HEBP1: variants seen among roughly 807,000 people sequenced by gnomAD.
HEBP1 encodes heme-binding protein 1.
A neutral mutation model predicts 20.4 loss-of-function variants in HEBP1; 13 were observed. The observed-to-expected ratio is 0.64, with a 90% confidence interval of 0.42 to 1.01. HEBP1 has a LOEUF of 1.01. Ranked by LOEUF, HEBP1 falls within the 50% of genes least tolerant of loss-of-function variation. HEBP1 has a pLI of 0.00. For synonymous variants in HEBP1, 92 were observed against 90.7 expected, an observed-to-expected ratio of 1.01 and a Z score of -0.08; for missense variants, 241 against 247.3, an observed-to-expected ratio of 0.97 and a Z score of 0.17.
chr12:13,000,016 T>G (rs1385508625), intron 1 of HEBP1, 21 bp downstream of exon 1: 3 of 1,582,154 alleles, frequency 1.9e-6, no homozygotes, highest in Admixed American at 3.4e-5. Flanking sequence ...CTTCAGGTCC[T>G]CGGCAGCCCT....
At chr12:12,981,524 T>C (rs1264941251) in intron 3 of HEBP1, among the ~76,000 whole-genome samples, 1 of 152,202 alleles carries the variant, frequency 6.6e-6, no homozygotes, top group Non-Finnish European at 1.5e-5. Context: ...GCAAGGCTTT[T>C]GGACATGAGG....
intron 2 of HEBP1, among the ~76,000 whole-genome samples, chr12:12,988,014 A>C (rs1864175275): frequency 6.6e-6 from 1 of 152,206 alleles, no homozygotes; most frequent in African/African-American, 2.4e-5. Context: ...TCATTACAGC[A>C]GAATTATAAA....
At chr12:12,999,416 A>T (rs150363120) in intron 1 of HEBP1, among the ~76,000 whole-genome samples, 1 of 152,226 alleles carries the variant, frequency 6.6e-6, no homozygotes, top group African/African-American at 2.4e-5. Context: ...GGTCGATCCG[A>T]TCACCAAGCT....
chr12:12,976,098 A>AT (rs1491101842), intron 3 of HEBP1, among the ~76,000 whole-genome samples: 1 of 143,326 alleles, frequency 7.0e-6, no homozygotes, highest in Admixed American at 6.9e-5. Context: ...AAAAAAAAAA[A>AT]ACAAACCAAA....
chr12:12,997,286 A>G (rs1003149622), intron 1 of HEBP1, among the ~76,000 whole-genome samples: 12 of 152,364 alleles, frequency 7.9e-5, no homozygotes, highest in Non-Finnish European at 1.6e-4. Context: ...AACAGGAAAC[A>G]GAAACTACTA....
chr12:12,993,773 T>C (rs850945), intron 1 of HEBP1, among the ~76,000 whole-genome samples: 105,101 of 152,096 alleles, frequency 0.69, 39,703 homozygotes, highest in East Asian at 0.97. Context: ...GTATCTACCA[T>C]GTGCTGAACA....
chr12:12,983,921 C>T (rs1864118169), intron 3 of HEBP1: 6 of 370,558 alleles, frequency 1.6e-5, no homozygotes, highest in Middle Eastern at 6.2e-4. Context: ...GAGCCATCAA[C>T]GACTACTGGA....
intron 1 of HEBP1, among the ~76,000 whole-genome samples, chr12:12,997,247 G>A (rs1044791689): frequency 3.6e-4 from 55 of 152,064 alleles, no homozygotes; most frequent in Non-Finnish European, 6.6e-4. Flanking sequence ...CCAAATTAAC[G>A]GCAAGTGACA....
chr12:12,978,999 A>G (rs1289556792), intron 3 of HEBP1: 1 of 152,324 alleles, frequency 6.6e-6, no homozygotes, highest in African/African-American at 2.4e-5. Context: ...ATCTAGTGAC[A>G]GAAACTTGGG....
At chr12:12,980,795 C>T (rs1864070793) in intron 3 of HEBP1, among the ~76,000 whole-genome samples, 1 of 152,240 alleles carries the variant, frequency 6.6e-6, no homozygotes, top group Non-Finnish European at 1.5e-5. Flanking sequence ...CTAGGCTTTA[C>T]TGCCTGGTCA....
At chr12:12,985,519 T>C (rs962676986) in intron 3 of HEBP1, 1 of 152,100 alleles carries the variant, frequency 6.6e-6, no homozygotes, top group Non-Finnish European at 1.5e-5. Context: ...ATCCACTCAT[T>C]ACTCAGGGTC....
At chr12:12,982,597 T>A (rs951870521) in intron 3 of HEBP1, among the ~76,000 whole-genome samples, 2 of 152,220 alleles carry the variant, frequency 1.3e-5, no homozygotes, top group Non-Finnish European at 2.9e-5. Context: ...AAAAATGACA[T>A]CAGCAACCTA....
At chr12:12,994,934 T>C (rs1247593649) in intron 1 of HEBP1, among the ~76,000 whole-genome samples, 1 of 152,240 alleles carries the variant, frequency 6.6e-6, no homozygotes, top group Non-Finnish European at 1.5e-5. Flanking sequence ...ATTAATCTGC[T>C]GCCTAAAGGC....
Position 12,987,349 on chromosome 12 carries a change from A to AGGGATCAGAGGCAGGGAT in HEBP1, c.218-18_218-17insATCCCTGCCTCTGATCCC. 1 of 1,608,086 alleles carries AGGGATCAGAGGCAGGGAT rather than the reference A, an allele frequency of 6.2e-7. No homozygotes were observed. Among genetic ancestry groups the AGGGATCAGAGGCAGGGAT allele is most frequent in the Non-Finnish European group, 8.5e-7 (1 of 1,175,834 alleles). On this transcript the variant is annotated splice_polypyrimidine_tract_variant and intron_variant, in intron 2 of 3. Transcript: ENST00000014930. ...TCCCAATTCCTGAAAACACAAAAGC[A>AGGGATCAGAGGCAGGGAT]CAGAGTGAGGCAGGGATCAGAGACA...
In HEBP1 at chr12:12,978,417, G is replaced by A. The variant is rs112654491; in HGVS notation, c.399-2938C>T. Reference sequence around the variant, plus strand: ...GGGGTTTTGCCGTATTGGCCAGGCTGGTCTCAAACTCCTGACCTCAGGTGA... The same window carrying A: ...GGGGTTTTGCCGTATTGGCCAGGCTAGTCTCAAACTCCTGACCTCAGGTGA... On this transcript the variant is annotated intron_variant, in intron 3 of 3. Coordinates refer to ENST00000014930, the MANE Select transcript of HEBP1 (RefSeq NM_015987.5). Among the ~76,000 whole-genome samples the A allele has an allele frequency of 2.6e-4, 40 of 151,970 alleles. 1 individual carries two copies. The highest frequency in any genetic ancestry group is 8.7e-4 in the African/African-American group (36 of 41,416).
Position 12,975,374 on chromosome 12 carries a change from G to T in HEBP1, c.504C>A (p.Cys168Ter). The T allele has an allele frequency of 3.1e-6, 5 of 1,614,052 alleles. No individual in the cohort carries two copies. The highest frequency in any genetic ancestry group is 4.2e-6 in the Non-Finnish European group (5 of 1,179,982). ...GCTTCATGGGAGGGTCATAACCCGT[G>T]CAGAAGTAGATGTCCCCCCGGTAGG... ...TATYRGDIYF[C>*]TGYDPPMKPY... Residue 168 changes from cysteine to a stop codon, truncating the protein, a stop_gained, in exon 4 of 4, where the codon TGC (cysteine) becomes TGA (stop). Transcript: ENST00000014930. LOFTEE classifies it high-confidence loss of function.
chr12:12,988,073 C>T (rs1864175654), intron 2 of HEBP1, among the ~76,000 whole-genome samples: 1 of 152,060 alleles, frequency 6.6e-6, no homozygotes, highest in African/African-American at 2.4e-5. Context: ...ACACATGATA[C>T]AATATAATGT....
At chr12:12,990,530 A>G (rs767996559) in intron 1 of HEBP1, among the ~76,000 whole-genome samples, 15 of 152,134 alleles carry the variant, frequency 9.9e-5, no homozygotes, top group Non-Finnish European at 1.3e-4. Context: ...ATCAGACTTC[A>G]TTGACTCTAT....
chr12:12,976,864 A>G (rs1463805362), intron 3 of HEBP1, among the ~76,000 whole-genome samples: 1 of 151,656 alleles, frequency 6.6e-6, no homozygotes, highest in African/African-American at 2.4e-5. Context: ...ACATCCAGGA[A>G]AGACTTTTTT....
Sources: gnomAD v4.1 joint callset for allele counts (sites outside exome capture counted in the v4.1 genomes callset) on GRCh38, gnomAD v4.1.1 for gene constraint, MANE v1.5 for transcripts, NCBI Gene and HGNC (gene_info 2026-07-23, HGNC 2026-07-21) for gene names.